Variants in AIPL1 observed in about 807,000 individuals in gnomAD.
AIPL1 encodes aryl-hydrocarbon-interacting protein-like 1.
A neutral mutation model predicts 32.9 loss-of-function variants in AIPL1; 23 were observed. The observed-to-expected ratio is 0.70, with a 90% confidence interval of 0.50 to 0.99. The LOEUF (loss-of-function observed/expected upper bound fraction) is 0.99, where lower values mean the gene tolerates loss of function less well. Ranked by LOEUF, AIPL1 falls within the 50% of genes least tolerant of loss-of-function variation. The probability of loss-of-function intolerance (pLI) is 0.00; values close to 1 mark genes in which losing one functional copy is unlikely to be tolerated. For missense variants in AIPL1, 485 were observed against 506.0 expected, an observed-to-expected ratio of 0.96 and a Z score of 0.40; for synonymous variants, 210 against 209.4, an observed-to-expected ratio of 1.00 and a Z score of -0.02.
At chr17:6,432,636 CT>C (rs371687670) in intron 2 of AIPL1, among the ~76,000 whole-genome samples, 50,085 of 146,640 alleles carry the variant, frequency 0.34, 9,359 homozygotes, top group Non-Finnish European at 0.43. Flanking sequence ...TTAATATCCT[CT>C]TTTTTTTTTT....
chr17:6,429,578 G>A (rs573585143), intron 2 of AIPL1, among the ~76,000 whole-genome samples: 6 of 152,286 alleles, frequency 3.9e-5, no homozygotes, highest in African/African-American at 1.4e-4. Flanking sequence ...CCCCCAGCTC[G>A]GCACCCCATG....
At chr17:6,426,079 T>G (rs1237796735) in intron 5 of AIPL1, 2 of 1,219,190 alleles carry the variant, frequency 1.6e-6, no homozygotes, top group East Asian at 2.7e-5. Flanking sequence ...ATTTTTCTTA[T>G]AGACGCTACC....
rs1911664544 is a variant in AIPL1, at chr17:6,423,942, G to A, written c.*1518C>T. On this transcript the variant is annotated 3_prime_UTR_variant, in exon 6 of 6. Coordinates refer to ENST00000381129, the MANE Select transcript of AIPL1 (RefSeq NM_014336.5). Reference sequence around the variant, plus strand: ...AGACAAGCTCTGGGGCAGAAGAGAAGCCCAGGAAGCCCTTGGCAGTTGACT... The same window carrying A: ...AGACAAGCTCTGGGGCAGAAGAGAAACCCAGGAAGCCCTTGGCAGTTGACT... 1.3e-5 allele frequency: 2 copies of A among 152,288 alleles called. No homozygotes were observed. Among genetic ancestry groups the A allele is most frequent in the Admixed American group, 1.3e-4 (2 of 15,294 alleles). 9.4% of individuals were successfully genotyped at this position (152,288 alleles called of 1,614,324 possible). A position where few individuals can be genotyped will look rare whatever the true frequency, so the allele number is the denominator to read the frequency against.
rs16955859 is a variant in AIPL1 at position 6,434,097 on chromosome 17, A to G, written c.98T>C (p.Val33Ala). The G allele has an allele frequency of 3.7e-4, 596 of 1,612,966 alleles. 1 individual carries two copies. In the African/African-American group the frequency reaches 7.2e-3, roughly 20 times the overall value. Residue 33 changes from valine to alanine, a missense_variant and splice_region_variant, in exon 2 of 6, where the codon GTG becomes GCG. Coordinates refer to ENST00000381129, the MANE Select transcript of AIPL1 (RefSeq NM_014336.5). Reference protein sequence around the residue: ...ELPNFITGSRVIFHFRTMKCD... With the variant: ...ELPNFITGSRAIFHFRTMKCD... ...TTTCATGGTGCGGAAATGAAAGATC[A>G]CCTAGTCACCGAGACGGTGCACTCT...
intron 5 of AIPL1, chr17:6,426,177 C>T: frequency 7.8e-7 from 1 of 1,285,474 alleles, no homozygotes; most frequent in South Asian, 1.9e-5. Context: ...ATAATAAACG[C>T]AGACGACGTG....
chr17:6,434,893 G>A (rs1188721582), intron 1 of AIPL1, 116 bp downstream of exon 1: 1 of 1,544,840 alleles, frequency 6.5e-7, no homozygotes, highest in South Asian at 1.2e-5. Flanking sequence ...CAGCGCTGGG[G>A]CTGCCTGGCT....
At chr17:6,434,983 G>C (rs747363855) in intron 1 of AIPL1, 26 bp downstream of exon 1, 3 of 1,614,014 alleles carry the variant, frequency 1.9e-6, no homozygotes, top group Admixed American at 3.3e-5. Flanking sequence ...GGGGGACCCT[G>C]TCTGCTCCGG....
At chr17:6,425,909 G>A in intron 5 of AIPL1, 79 bp from the exon 6 acceptor site, 1 of 1,533,698 alleles carries the variant, frequency 6.5e-7, no homozygotes, top group Non-Finnish European at 8.8e-7. Context: ...GGACTCACCA[G>A]CCTCCAAGAC....
At position 6,434,016 on chromosome 17, in the gene AIPL1, T is replaced by G. The variant is rs773830511; in HGVS notation, c.179A>C (p.His60Pro). ...CTTGAACATGTTTCCGATGATGATG[T>G]GCATGGGCTGGCCCACCTGCCGACT... ...DDSRQVGQPM[H>P]IIIGNMFKLE... is the part of the protein sequence containing the mutation. Residue 60 changes from histidine to proline, a missense_variant, in exon 2 of 6, where the codon CAC becomes CCC. His to Pro is a moderately conservative substitution (Grantham distance 77, BLOSUM62 -2). Coordinates refer to ENST00000381129, the MANE Select transcript of AIPL1 (RefSeq NM_014336.5). 1.9e-6 allele frequency: 3 copies of G among 1,613,852 alleles called. No homozygotes were observed. Among genetic ancestry groups the G allele is most frequent in the Non-Finnish European group, 2.5e-6 (3 of 1,179,988 alleles).
At chr17:6,426,470 A>T (rs1380545130) in intron 5 of AIPL1, 145 bp downstream of exon 5, 1 of 1,501,792 alleles carries the variant, frequency 6.7e-7, no homozygotes, top group Non-Finnish European at 8.9e-7. Flanking sequence ...CAATTCAGTT[A>T]CACACTCGGG....
intron 2 of AIPL1, among the ~76,000 whole-genome samples, chr17:6,433,611 T>TCTCTCTCTCTCTCTCTCTCTCTCTCACA (rs758622569): frequency 9.4e-6 from 1 of 106,258 alleles, no homozygotes; most frequent in Admixed American, 9.6e-5. Context: ...TCTCTCTCTC[T>TCTCTCTCTCTCTCTCTCTCTCTCTCACA]CACACACACA....
At position 6,426,907 on chromosome 17, in the gene AIPL1, T is replaced by C. The variant is rs772911646; in HGVS notation, c.616A>G (p.Ile206Val). ...EASSKYQEAI[I>V]CLRNLQTKEK... ...TTGGTCTGCAGGTTCCTTAGGCAGATGATGGCCTCCTGGTACTTGGAAGAG... is the reference window on the plus strand; with the variant it reads ...TTGGTCTGCAGGTTCCTTAGGCAGACGATGGCCTCCTGGTACTTGGAAGAG... Residue 206 changes from isoleucine to valine, a missense_variant, in exon 4 of 6, where the codon ATC (isoleucine) becomes GTC (valine). Physicochemically the swap from Ile to Val is conservative, Grantham distance 29. Coordinates refer to ENST00000381129, the MANE Select transcript of AIPL1 (RefSeq NM_014336.5). 101 of 1,614,226 alleles carry C rather than the reference T, an allele frequency of 6.3e-5. No individual in the cohort carries two copies. In the East Asian group the frequency reaches 1.8e-3, roughly 29 times the overall value.
Position 6,425,314 on chromosome 17 carries a change from T to TG in AIPL1, c.*145_*146insC. On this transcript the variant is annotated 3_prime_UTR_variant, in exon 6 of 6. Coordinates refer to ENST00000381129, the MANE Select transcript of AIPL1 (RefSeq NM_014336.5). ...TTCTGTACCCTTGGGATTGTTTTTT[T>TG]TTTTTTTTTTACCATGGGTGTGTCT... 1.8e-6 allele frequency: 2 copies of TG among 1,081,444 alleles called. No individual in the cohort carries two copies. Among genetic ancestry groups the TG allele is most frequent in the Non-Finnish European group, 1.3e-6 (1 of 788,036 alleles). 67.0% of individuals were successfully genotyped at this position (1,081,444 alleles called of 1,614,324 possible). A position where few individuals can be genotyped will look rare whatever the true frequency, so the allele number is the denominator to read the frequency against.
chr17:6,429,855 GATAGATAGATAGATA>G (rs1912388044), intron 2 of AIPL1, among the ~76,000 whole-genome samples: 1 of 144,378 alleles, frequency 6.9e-6, no homozygotes, highest in Admixed American at 6.9e-5. Context: ...TAGATAGATA[GATAGATAGATAGATA>G]ATAGATACAC....
Position 6,434,974 on chromosome 17 carries a change from G to A in AIPL1, c.96+35C>T, listed in dbSNP as rs765398718. Reference sequence around the variant, plus strand: ...ACCTGGAATGTTGAAAGCTGCTGTGGGGGACCCTGTCTGCTCCGGAGGGGC... The same window carrying A: ...ACCTGGAATGTTGAAAGCTGCTGTGAGGGACCCTGTCTGCTCCGGAGGGGC... On this transcript the variant is annotated intron_variant, in intron 1 of 5. Transcript: ENST00000381129. The A allele has an allele frequency of 3.1e-6, 5 of 1,613,748 alleles. No individual in the cohort carries two copies. In the East Asian group the frequency reaches 6.7e-5, roughly 22 times the overall value.
rs1912241785 is a variant in AIPL1 at position 6,428,525 on chromosome 17, G to A, written c.277-19C>T. ...CCGTGTGCTGTGGGGATAAACGGAT[G>A]GATGGCATCCAGGCTACCTGCCCAG... is the stretch of plus-strand genomic sequence containing the variant. On this transcript the variant is annotated intron_variant, in intron 2 of 5. Coordinates refer to ENST00000381129, the MANE Select transcript of AIPL1 (RefSeq NM_014336.5). The A allele has an allele frequency of 1.2e-6, 2 of 1,611,960 alleles. No homozygotes were observed. The highest frequency in any genetic ancestry group is 1.7e-6 in the Non-Finnish European group (2 of 1,178,550).
At chr17:6,433,115 C>T (rs1912772283) in intron 2 of AIPL1, among the ~76,000 whole-genome samples, 1 of 152,116 alleles carries the variant, frequency 6.6e-6, no homozygotes, top group Non-Finnish European at 1.5e-5. Flanking sequence ...TTGAAAGTTC[C>T]CATAAGAAAC....
rs1190480151 is a variant in AIPL1, at chr17:6,423,897, G to A, written c.*1563C>T. 6.6e-6 allele frequency: 1 copy of A among 152,278 alleles called. No homozygotes were observed. Among genetic ancestry groups the A allele is most frequent in the African/African-American group, 2.4e-5 (1 of 41,470 alleles). 9.4% of individuals were successfully genotyped at this position (152,278 alleles called of 1,614,324 possible). On this transcript the variant is annotated 3_prime_UTR_variant, in exon 6 of 6. Transcript: ENST00000381129. ...AACTTTAGGGATACAGTTAGCGCTGGGGGAACCCCTGCTGGGTGGAGACAA... is the reference window on the plus strand; with the variant it reads ...AACTTTAGGGATACAGTTAGCGCTGAGGGAACCCCTGCTGGGTGGAGACAA...
rs1912220382 is a variant in AIPL1 at position 6,428,412 on chromosome 17, G to C, written c.371C>G (p.Ala124Gly). Residue 124 changes from alanine to glycine, a missense_variant, in exon 3 of 6, where the codon GCC becomes GGC. Coordinates refer to ENST00000381129, the MANE Select transcript of AIPL1 (RefSeq NM_014336.5). ...TEWHVHTCGL[A>G]NMFAYHTLGY... ...CAGCGTGTGGTAGGCGAACATGTTG[G>C]CCAGCCCGCACGTGTGCACGTGCCA... 1 of 1,613,350 alleles carries C rather than the reference G, an allele frequency of 6.2e-7. No individual in the cohort carries two copies. The highest frequency in any genetic ancestry group is 1.3e-5 in the African/African-American group (1 of 75,058).
Sources: gnomAD v4.1 joint callset for allele counts (sites outside exome capture counted in the v4.1 genomes callset) on GRCh38, gnomAD v4.1.1 for gene constraint, MANE v1.5 for transcripts, NCBI Gene and HGNC (gene_info 2026-07-23, HGNC 2026-07-21) for gene names.